TM9SF3: variants seen among roughly 807,000 people sequenced by gnomAD.
TM9SF3 encodes the protein SM-11044-binding protein.
A neutral mutation model predicts 78.6 loss-of-function variants in TM9SF3; 14 were observed. The observed-to-expected ratio is 0.18, with a 90% CI of 0.12 to 0.28. The LOEUF (loss-of-function observed/expected upper bound fraction) is 0.28. Ranked by LOEUF, TM9SF3 falls within the 10% of genes least tolerant of loss-of-function variation. TM9SF3 has a pLI of 1.00. For missense variants in TM9SF3, 496 were observed against 721.9 expected, an observed-to-expected ratio of 0.69 and a Z score of 3.59; for synonymous variants, 231 against 241.7, an observed-to-expected ratio of 0.96 and a Z score of 0.41.
intron 2 of TM9SF3, among the ~76,000 whole-genome samples, chr10:96,572,741 C>A (rs1250060588): frequency 6.6e-6 from 1 of 151,652 alleles, no homozygotes; most frequent in Non-Finnish European, 1.5e-5. Flanking sequence ...TGGTCTCGAC[C>A]CCCTGACCTC....
chr10:96,549,200 C>G (rs9664742), intron 7 of TM9SF3, among the ~76,000 whole-genome samples: 1 of 152,156 alleles, frequency 6.6e-6, no homozygotes, highest in Non-Finnish European at 1.5e-5. Context: ...CCTCAAAATA[C>G]TTTTCCTCTG....
chr10:96,539,541 G>C (rs1479903580), intron 9 of TM9SF3, among the ~76,000 whole-genome samples: 1 of 152,164 alleles, frequency 6.6e-6, no homozygotes, highest in Non-Finnish European at 1.5e-5. Context: ...AAGAAGAAAA[G>C]AAAGGATGAA....
At chr10:96,586,149 A>G (rs1478284391) in intron 1 of TM9SF3, among the ~76,000 whole-genome samples, 1 of 152,206 alleles carries the variant, frequency 6.6e-6, no homozygotes, top group Non-Finnish European at 1.5e-5. Context: ...GGTTGGGTGC[A>G]CTTACAAGTA....
rs1365214266 is a variant in TM9SF3, at chr10:96,551,290, G to C, written c.914C>G (p.Ser305Cys). 6.2e-7 allele frequency: 1 copy of C among 1,612,682 alleles called. No individual in the cohort carries two copies. The highest frequency in any genetic ancestry group is 1.7e-5 in the Admixed American group (1 of 59,990). The part of the protein sequence containing the change: ...IGSGCQIFAV[S>C]LIVIIVAMIE... ...CATTGCAACAATAATAACGATGAGA[G>C]ACACAGCAAATATCTGACATCCAGA... Residue 305 changes from serine to cysteine, a missense_variant, in exon 7 of 15, where the codon TCT becomes TGT. Physicochemically the swap from Ser to Cys is moderately radical, Grantham distance 112. Transcript: ENST00000371142.
chr10:96,541,256 C>T (rs755122030), intron 9 of TM9SF3, among the ~76,000 whole-genome samples: 16 of 152,146 alleles, frequency 1.1e-4, no homozygotes, highest in Admixed American at 5.2e-4. Flanking sequence ...AACATCTTGG[C>T]GAATCCTTTC....
In TM9SF3 at chr10:96,538,991, C is replaced by T. The variant is rs1271875551; in HGVS notation, c.1185+5085G>A. On this transcript the variant is annotated intron_variant, in intron 9 of 14. Coordinates refer to ENST00000371142, the MANE Select transcript of TM9SF3 (RefSeq NM_020123.4). ...AAACTTAAACTACCATATGACCCAG[C>T]CATTCCACTCCTAGTTATTTATCCA... 7.9e-5 allele frequency among the ~76,000 whole-genome samples: 12 copies of T among 152,278 alleles called. No homozygotes were observed. The East Asian group carries it at 2.3e-3, about 29-fold the overall frequency.
At chr10:96,572,049 G>A (rs995037562) in intron 2 of TM9SF3, among the ~76,000 whole-genome samples, 3 of 152,184 alleles carry the variant, frequency 2.0e-5, no homozygotes, top group Non-Finnish European at 4.4e-5. Context: ...GTGAATAAGA[G>A]TGCTACTATA....
intron 9 of TM9SF3, among the ~76,000 whole-genome samples, chr10:96,543,263 C>G (rs1357280591): frequency 2.6e-5 from 4 of 151,848 alleles, no homozygotes; most frequent in Non-Finnish European, 5.9e-5. Flanking sequence ...ATTTCCAAGA[C>G]TGTGATTACA....
At chr10:96,576,871 C>T (rs756599298) in intron 1 of TM9SF3, 42 bp from the exon 2 acceptor site, 34 of 1,325,438 alleles carry the variant, frequency 2.6e-5, no homozygotes, top group Middle Eastern at 1.9e-4. Context: ...AAAAAAAACA[C>T]ACTAATTCAA....
At position 96,561,999 on chromosome 10, in the gene TM9SF3, A is replaced by C. The variant is rs777916220; in HGVS notation, c.561T>G (p.Thr187=). The C allele has an allele frequency of 5.0e-5, 80 of 1,611,508 alleles. No homozygotes were observed. The highest frequency in any genetic ancestry group is 6.7e-5 in the Non-Finnish European group (79 of 1,179,184). The change falls in exon 4 of 15, where the codon ACT becomes ACG. Residue 187 remains threonine, a synonymous_variant. Coordinates refer to ENST00000371142, the MANE Select transcript of TM9SF3 (RefSeq NM_020123.4). Reference sequence around the variant, plus strand: ...TTACTGAATATGACATCTGGATTTTAGTATTTGGAACCAGTTTCACCTTTC... The same window carrying C: ...TTACTGAATATGACATCTGGATTTTCGTATTTGGAACCAGTTTCACCTTTC... ...SEGKVKLVPN[T]KIQMSYSVKW...
intron 14 of TM9SF3, 68 bp from the exon 15 acceptor site, chr10:96,522,398 T>A: frequency 8.2e-7 from 1 of 1,212,958 alleles, no homozygotes; most frequent in Non-Finnish European, 1.1e-6. Flanking sequence ...TTAAAAACAC[T>A]AAATACTCTA....
rs1459632242 is a variant in TM9SF3, at chr10:96,586,826, G to A, written c.10C>T (p.Leu4=). ...GCCGCCACGCCAAGAGCGCCAGGCA[G>A]CGGCCTCATCCTCCGCGCCCCTCCG... MRP[L]PGALGVAAAA... The change falls in exon 1 of 15, where the codon CTG becomes TTG. Residue 4 remains leucine, a synonymous_variant. Transcript: ENST00000371142. 6.4e-6 allele frequency: 8 copies of A among 1,243,576 alleles called. No homozygotes were observed. The highest frequency in any genetic ancestry group is 8.0e-6 in the Non-Finnish European group (8 of 995,680). The allele number at this position is 1,243,576 out of a possible 1,614,324, so 77.0% of individuals were successfully genotyped here.
intron 14 of TM9SF3, among the ~76,000 whole-genome samples, chr10:96,525,979 A>G (rs1847833442): frequency 6.6e-6 from 1 of 152,084 alleles, no homozygotes; most frequent in African/African-American, 2.4e-5. Flanking sequence ...ACAATTCCAG[A>G]GCAGAAGGAA....
intron 3 of TM9SF3, among the ~76,000 whole-genome samples, chr10:96,562,561 T>C (rs1848321750): frequency 2.0e-5 from 3 of 152,150 alleles, no homozygotes. Context: ...ATCCCTAGTC[T>C]AGTACTTTCT....
rs1245931958 is a variant in TM9SF3, at chr10:96,520,837, T to A, written c.*1426A>T. 5.0e-6 allele frequency: 2 copies of A among 396,514 alleles called. No homozygotes were observed. Among genetic ancestry groups the A allele is most frequent in the Non-Finnish European group, 8.9e-6 (2 of 224,456 alleles). 24.6% of individuals were successfully genotyped at this position (396,514 alleles called of 1,614,324 possible). ...ATGATTGTGCTGGATAATCTAGATGTAAGCAAGTCTGGAGATTTTAAAATA... is the reference window on the plus strand; with the variant it reads ...ATGATTGTGCTGGATAATCTAGATGAAAGCAAGTCTGGAGATTTTAAAATA... On this transcript the variant is annotated 3_prime_UTR_variant, in exon 15 of 15. Coordinates refer to ENST00000371142, the MANE Select transcript of TM9SF3 (RefSeq NM_020123.4).
intron 2 of TM9SF3, among the ~76,000 whole-genome samples, chr10:96,566,194 G>A (rs997635984): frequency 6.6e-6 from 1 of 151,946 alleles, no homozygotes; most frequent in Admixed American, 6.6e-5. Flanking sequence ...TAAGCAATTA[G>A]AAAAAAATTA....
rs1444342352 is a variant in TM9SF3, at chr10:96,520,653, G to C, written c.*1610C>G. The C allele has an allele frequency of 2.7e-6, 1 of 377,218 alleles. No individual in the cohort carries two copies. The highest frequency in any genetic ancestry group is 4.7e-6 in the Non-Finnish European group (1 of 211,906). 23.4% of individuals were successfully genotyped at this position (377,218 alleles called of 1,614,324 possible). A position where few individuals can be genotyped will look rare whatever the true frequency, so the allele number is the denominator to read the frequency against. ...AAACTTCATATTATGAATAGTTCCA[G>C]AAAAATGTATTCAAATCACTTCTCT... is the stretch of plus-strand genomic sequence containing the variant. On this transcript the variant is annotated 3_prime_UTR_variant, in exon 15 of 15. Transcript: ENST00000371142.
intron 14 of TM9SF3, among the ~76,000 whole-genome samples, chr10:96,525,602 T>C (rs1343012387): frequency 6.6e-6 from 1 of 151,980 alleles, no homozygotes; most frequent in African/African-American, 2.4e-5. Flanking sequence ...ATATATCTTA[T>C]ATAGCCAAAG....
At chr10:96,522,718 C>A (rs187973616) in intron 14 of TM9SF3, among the ~76,000 whole-genome samples, 4 of 151,984 alleles carry the variant, frequency 2.6e-5, no homozygotes, top group African/African-American at 7.2e-5. Flanking sequence ...AATATATCTT[C>A]CCAAAATCCA....
Sources: gnomAD v4.1 joint callset for allele counts (sites outside exome capture counted in the v4.1 genomes callset) on GRCh38, gnomAD v4.1.1 for gene constraint, MANE v1.5 for transcripts, NCBI Gene and HGNC (gene_info 2026-07-23, HGNC 2026-07-21) for gene names.